TLE4: variants seen among roughly 807,000 people sequenced by gnomAD.
TLE4 encodes the protein transducin-like enhancer protein 4.
In TLE4, 8 loss-of-function variants were observed where a neutral mutation model predicts 92.8. The observed-to-expected ratio is 0.09, with a 90% CI of 0.05 to 0.16. The LOEUF (loss-of-function observed/expected upper bound fraction) is 0.16, where lower values mean the gene tolerates loss of function less well. Ranked by LOEUF, TLE4 falls within the 10% of genes least tolerant of loss-of-function variation. TLE4 has a pLI of 1.00. For missense variants in TLE4, 675 were observed against 997.6 expected, an observed-to-expected ratio of 0.68 and a Z score of 4.36; for synonymous variants, 371 against 374.1, an observed-to-expected ratio of 0.99 and a Z score of 0.10.
intron 6 of TLE4, among the ~76,000 whole-genome samples, chr9:79,644,558 C>T (rs1434890323): frequency 6.6e-6 from 1 of 152,202 alleles, no homozygotes; most frequent in Admixed American, 6.5e-5. Context: ...TCCAGTGACT[C>T]TGAGGCCACT....
intron 1 of TLE4, 96 bp from the exon 2 acceptor site, chr9:79,573,593 C>T (rs2036620760): frequency 5.7e-6 from 6 of 1,043,874 alleles, no homozygotes; most frequent in Non-Finnish European, 8.2e-6. Flanking sequence ...TGCGCGATGA[C>T]CCTCACCCCC....
At chr9:79,722,702 C>A in intron 18 of TLE4, 101 bp downstream of exon 18, 1 of 1,405,128 alleles carries the variant, frequency 7.1e-7, no homozygotes, top group Non-Finnish European at 9.7e-7. Flanking sequence ...CATTACCATG[C>A]CCCTCTTCAG....
chr9:79,724,923 T>A, intron 19 of TLE4, 114 bp from the exon 20 acceptor site: 1 of 572,652 alleles, frequency 1.7e-6, no homozygotes, highest in Non-Finnish European at 3.2e-6. Context: ...TTTCCTTGAC[T>A]GGGCTTTCTG....
chr9:79,679,775 T>C (rs943915420), intron 8 of TLE4, among the ~76,000 whole-genome samples: 15 of 152,240 alleles, frequency 9.9e-5, no homozygotes, highest in Middle Eastern at 3.4e-3. Context: ...CTTTAATCCA[T>C]CTTGAATTAA....
intron 8 of TLE4, among the ~76,000 whole-genome samples, chr9:79,687,575 T>C (rs1297242098): frequency 1.3e-5 from 2 of 152,238 alleles, no homozygotes; most frequent in Non-Finnish European, 2.9e-5. Context: ...TCAAATATAT[T>C]TGAATCCAGA....
chr9:79,708,579 A>G lies in TLE4; in HGVS notation c.1070-14A>G. ...TGTGTTCTTCATTTTTCTTCCATCC[A>G]TTTTGGTTTGCAGCCTCAAGCCTAA... On this transcript the variant is annotated splice_polypyrimidine_tract_variant and intron_variant, in intron 12 of 19. Coordinates refer to ENST00000376552, the MANE Select transcript of TLE4 (RefSeq NM_007005.6). 3.7e-6 allele frequency: 6 copies of G among 1,601,670 alleles called. No homozygotes were observed. Among genetic ancestry groups the G allele is most frequent in the South Asian group, 1.1e-5 (1 of 89,992 alleles).
At chr9:79,627,245 A>G (rs1412530169) in intron 5 of TLE4, 129 bp from the exon 6 acceptor site, 1 of 897,446 alleles carries the variant, frequency 1.1e-6, no homozygotes, top group Admixed American at 2.0e-5. Flanking sequence ...TCAGGCTTGT[A>G]TTGGAAACCT....
intron 5 of TLE4, among the ~76,000 whole-genome samples, chr9:79,621,819 G>T (rs1287856925): frequency 6.6e-6 from 1 of 152,170 alleles, no homozygotes; most frequent in Non-Finnish European, 1.5e-5. Context: ...GCCTTTTCCA[G>T]TTCTGAATTT....
At chr9:79,709,828 G>A (rs191118199) in intron 14 of TLE4, 129 bp downstream of exon 14, 4 of 666,658 alleles carry the variant, frequency 6.0e-6, no homozygotes, top group East Asian at 3.1e-5. Context: ...ACCTTGCAAG[G>A]TATTTTTCAT....
At chr9:79,682,109 TTTC>T (rs1212137866) in intron 8 of TLE4, among the ~76,000 whole-genome samples, 1 of 152,048 alleles carries the variant, frequency 6.6e-6, no homozygotes, top group Non-Finnish European at 1.5e-5. Context: ...ATTTTGTGGT[TTTC>T]TTAAGTTAAA....
intron 5 of TLE4, among the ~76,000 whole-genome samples, chr9:79,621,685 C>G (rs190018143): frequency 6.6e-6 from 1 of 152,052 alleles, no homozygotes; most frequent in Non-Finnish European, 1.5e-5. Flanking sequence ...TCTGCTCAGC[C>G]CCGGCAGTGT....
chr9:79,611,061 C>G (rs2048260049), intron 4 of TLE4, among the ~76,000 whole-genome samples: 2 of 151,994 alleles, frequency 1.3e-5, no homozygotes, highest in African/African-American at 4.8e-5. Flanking sequence ...CTGCAAAAAG[C>G]TTAACAACCA....
chr9:79,707,128 G>A, intron 11 of TLE4: 1 of 1,612,920 alleles, frequency 6.2e-7, no homozygotes, highest in Non-Finnish European at 8.5e-7. Flanking sequence ...GATAGAAGAG[G>A]GATATGGGGA....
At chr9:79,664,542 C>T (rs2061067971) in intron 8 of TLE4, among the ~76,000 whole-genome samples, 1 of 152,164 alleles carries the variant, frequency 6.6e-6, no homozygotes, top group South Asian at 2.1e-4. Context: ...TGTTAGTAAC[C>T]TAGTCTGACC....
intron 3 of TLE4, 76 bp from the exon 4 acceptor site, chr9:79,576,057 C>T: frequency 3.0e-6 from 3 of 1,009,128 alleles, no homozygotes; most frequent in South Asian, 2.9e-5. Context: ...TTCAGATTTA[C>T]TTGGGGCATT....
chr9:79,675,945 C>T (rs1369668745), intron 8 of TLE4, among the ~76,000 whole-genome samples: 1 of 152,010 alleles, frequency 6.6e-6, no homozygotes, highest in East Asian at 1.9e-4. Context: ...ATGAACATTT[C>T]CCTTGAGCGT....
chr9:79,643,810 T>A (rs1464662390), intron 6 of TLE4, among the ~76,000 whole-genome samples: 1 of 152,228 alleles, frequency 6.6e-6, no homozygotes, highest in Non-Finnish European at 1.5e-5. Context: ...TGGTTGAGTC[T>A]GTCTTGCATT....
chr9:79,579,491 G>A (rs1338373521), intron 4 of TLE4, among the ~76,000 whole-genome samples: 2 of 152,166 alleles, frequency 1.3e-5, no homozygotes, highest in African/African-American at 4.8e-5. Context: ...GAAAAGGGGA[G>A]CATGAGAACA....
At chr9:79,624,222 T>G (rs2051872941) in intron 5 of TLE4, among the ~76,000 whole-genome samples, 1 of 151,864 alleles carries the variant, frequency 6.6e-6, no homozygotes, top group African/African-American at 2.4e-5. Context: ...ATGGGAGTAC[T>G]TTGGGCTTCC....
Sources: gnomAD v4.1 joint callset for allele counts (sites outside exome capture counted in the v4.1 genomes callset) on GRCh38, gnomAD v4.1.1 for gene constraint, MANE v1.5 for transcripts, NCBI Gene and HGNC (gene_info 2026-07-23, HGNC 2026-07-21) for gene names.